Variants in ATP10B observed in about 807,000 individuals in gnomAD.
ATP10B encodes ATPase phospholipid transporting 10B (putative), also known as phospholipid-transporting ATPase VB.
ATP10B carries 122 observed loss-of-function variants against 141.2 expected under a neutral mutation model. The ratio of observed to expected loss-of-function variants is 0.86; its 90% CI spans 0.75 to 1.00. The LOEUF is 1.00. ATP10B is among the 50% of genes least tolerant of loss of function. The probability of loss-of-function intolerance (pLI) is 0.00; values close to 1 mark genes in which losing one functional copy is unlikely to be tolerated. For synonymous variants in ATP10B, 685 were observed against 692.0 expected, an observed-to-expected ratio of 0.99 and a Z score of 0.16; for missense variants, 1,876 against 1,825.3, an observed-to-expected ratio of 1.03 and a Z score of -0.51.
chr5:160,602,522 C>T (rs1278691916), intron 21 of ATP10B, 55 bp downstream of exon 21: 12 of 1,609,054 alleles, frequency 7.5e-6, no homozygotes, highest in Admixed American at 5.0e-5. Flanking sequence ...AGAGATCTGG[C>T]CCCGTGGCAA....
intron 18 of ATP10B, among the ~76,000 whole-genome samples, chr5:160,609,150 C>T (rs945824276): frequency 5.3e-5 from 8 of 152,042 alleles, no homozygotes; most frequent in African/African-American, 1.7e-4. Context: ...CTTCATTTTA[C>T]AGTGTTTCTT....
rs1223652311 is a variant in ATP10B, at chr5:160,603,829, G to A, written c.3237+136C>T. 4.5e-6 allele frequency: 3 copies of A among 669,200 alleles called. No homozygotes were observed. The East Asian group carries it at 7.8e-5, about 17-fold the overall frequency. The allele number at this position is 669,200 out of a possible 1,614,324, so 41.5% of individuals were successfully genotyped here. The stretch of plus-strand genomic sequence containing the variant: ...AATGATTTCAAATGTCCTTATGTCT[G>A]TCATTGCTTATGGAGGGCATTGCAA... On this transcript the variant is annotated intron_variant, in intron 20 of 25. Coordinates refer to ENST00000327245, the MANE Select transcript of ATP10B (RefSeq NM_025153.3).
chr5:160,664,243 G>T (rs547250629), intron 7 of ATP10B, among the ~76,000 whole-genome samples: 2 of 152,296 alleles, frequency 1.3e-5, no homozygotes, highest in South Asian at 2.1e-4. Flanking sequence ...AGCAGGCAAG[G>T]TTAGAAGATA....
intron 2 of ATP10B, among the ~76,000 whole-genome samples, chr5:160,774,458 G>A (rs188553572): frequency 1.8e-4 from 28 of 152,318 alleles, no homozygotes; most frequent in Non-Finnish European, 3.5e-4. Context: ...GGTAAAATGA[G>A]TTAAAAACAC....
chr5:160,798,218 A>G (rs1385799730), intron 1 of ATP10B, among the ~76,000 whole-genome samples: 1 of 152,186 alleles, frequency 6.6e-6, no homozygotes, highest in East Asian at 1.9e-4. Flanking sequence ...AGGGGACTCC[A>G]CTGTGGCTAG....
Position 160,606,959 on chromosome 5 carries a change from G to A in ATP10B, c.2966C>T (p.Ala989Val). The change falls in exon 19 of 26, where the codon GCT becomes GTT. Residue 989 changes from alanine (A) to valine (V), a missense_variant. By Grantham distance (64) the Ala-to-Val change is moderately conservative. Transcript: ENST00000327245. ...PSKTPSITSE[A>V]VVPEAGLVID... ...GACCAATCCAGCTTCTGGAACCACA[G>A]CTTCTGAGGTGATGGATGGTGTCTT... The A allele has an allele frequency of 6.2e-7, 1 of 1,614,166 alleles. No individual in the cohort carries two copies. Among genetic ancestry groups the A allele is most frequent in the South Asian group, 1.1e-5 (1 of 91,080 alleles).
the ATP10B span, among the ~76,000 whole-genome samples, chr5:160,924,813 C>T: frequency 6.6e-6 from 1 of 152,152 alleles, no homozygotes; most frequent in African/African-American, 2.4e-5. Context: ...TATCACAGAG[C>T]TGAAAGAGGC....
chr5:160,759,272 G>A (rs942072068), intron 2 of ATP10B, among the ~76,000 whole-genome samples: 1 of 152,104 alleles, frequency 6.6e-6, no homozygotes, highest in African/African-American at 2.4e-5. Context: ...GCTGGTATCT[G>A]TCTGGTGGAT....
chr5:160,783,095 T>G (rs1208507081), intron 2 of ATP10B, among the ~76,000 whole-genome samples: 2 of 151,982 alleles, frequency 1.3e-5, no homozygotes, highest in African/African-American at 4.8e-5. Flanking sequence ...TAGTGGTGAT[T>G]TGTGAGATTT....
intron 3 of ATP10B, among the ~76,000 whole-genome samples, chr5:160,709,741 C>T (rs1277823957): frequency 1.3e-4 from 6 of 44,448 alleles, no homozygotes; most frequent in Non-Finnish European, 2.3e-4. Flanking sequence ...GTATATCTCC[C>T]AATGCTATCC....
intron 7 of ATP10B, 28 bp downstream of exon 7, chr5:160,670,435 C>T: frequency 6.2e-7 from 1 of 1,610,166 alleles, no homozygotes; most frequent in Non-Finnish European, 8.5e-7. Flanking sequence ...TATGACTTTA[C>T]CATTGAAGAT....
At position 160,686,262 on chromosome 5, in the gene ATP10B, A is replaced by C. The variant is rs1173460750; in HGVS notation, c.287T>G (p.Leu96Arg). 1.3e-6 allele frequency: 2 copies of C among 1,590,276 alleles called. No individual in the cohort carries two copies. Among genetic ancestry groups the C allele is most frequent in the South Asian group, 2.3e-5 (2 of 88,204 alleles). ...CAAAATCACCAGGAACAGGAAATAG[A>C]GGTTAGCCCATCTGGAGGGGCAAGC... ...LFEQFHRWAN[L>R]YFLFLVILNW... is the part of the protein sequence containing the mutation. The change falls in exon 6 of 26, where the codon CTC becomes CGC. Residue 96 changes from leucine (L) to arginine (R), a missense_variant. Leu to Arg is a moderately radical substitution (Grantham distance 102, BLOSUM62 -2). Coordinates refer to ENST00000327245, the MANE Select transcript of ATP10B (RefSeq NM_025153.3).
chr5:160,826,974 C>T (rs767676666), intron 1 of ATP10B, among the ~76,000 whole-genome samples: 1 of 152,254 alleles, frequency 6.6e-6, no homozygotes, highest in South Asian at 2.1e-4. Context: ...GAACACAGAC[C>T]CTTATCAGAA....
intron 7 of ATP10B, among the ~76,000 whole-genome samples, chr5:160,652,931 A>ATATACATG (rs1760955118): frequency 3.7e-5 from 3 of 81,818 alleles, no homozygotes; most frequent in Non-Finnish European, 6.2e-5. Flanking sequence ...AATATATTAT[A>ATATACATG]TATACATGTA....
At chr5:160,814,615 A>G (rs940179244) in intron 1 of ATP10B, among the ~76,000 whole-genome samples, 1 of 151,782 alleles carries the variant, frequency 6.6e-6, no homozygotes, top group African/African-American at 2.4e-5. Context: ...CCAACATTCA[A>G]ATTCAGGAAA....
At chr5:160,659,980 C>G (rs1581294223) in intron 7 of ATP10B, among the ~76,000 whole-genome samples, 1 of 152,116 alleles carries the variant, frequency 6.6e-6, no homozygotes, top group East Asian at 1.9e-4. Context: ...TTTCTCATCT[C>G]TAATATGTTG....
At chr5:160,873,907 G>T in the ATP10B span, among the ~76,000 whole-genome samples, 4 of 152,206 alleles carry the variant, frequency 2.6e-5, no homozygotes, top group African/African-American at 9.7e-5. Context: ...CTCGCTGATT[G>T]CTAGCACAGC....
At chr5:160,815,097 C>T (rs1464440870) in intron 1 of ATP10B, among the ~76,000 whole-genome samples, 1 of 152,106 alleles carries the variant, frequency 6.6e-6, no homozygotes, top group Non-Finnish European at 1.5e-5. Context: ...AAATAACCAG[C>T]TAACATCATA....
intron 7 of ATP10B, among the ~76,000 whole-genome samples, chr5:160,663,533 G>A (rs374176149): frequency 3.6e-4 from 55 of 152,082 alleles, no homozygotes; most frequent in South Asian, 6.2e-4. Flanking sequence ...GCAAACTATC[G>A]CAAGGACAAA....
Sources: gnomAD v4.1 joint callset for allele counts (sites outside exome capture counted in the v4.1 genomes callset) on GRCh38, gnomAD v4.1.1 for gene constraint, MANE v1.5 for transcripts, NCBI Gene and HGNC (gene_info 2026-07-23, HGNC 2026-07-21) for gene names.